METAP2: variants seen among roughly 807,000 people sequenced by gnomAD.
The protein encoded by METAP2 is methionine aminopeptidase 2.
METAP2 carries 25 observed loss-of-function variants against 59.4 expected under a neutral mutation model. The observed-to-expected ratio is 0.42, with a 90% confidence interval of 0.31 to 0.59. METAP2 has a LOEUF of 0.59. METAP2 is among the 20% of genes least tolerant of loss of function. The pLI is 0.16. For missense variants in METAP2, 366 were observed against 581.2 expected (o/e 0.63, Z 3.81); for synonymous variants, 214 against 194.1 (o/e 1.10, Z -0.85).
chr12:95,494,348 A>G lies in METAP2; in HGVS notation c.590+131A>G, dbSNP rs188122925. On this transcript the variant is annotated intron_variant, in intron 5 of 10. Coordinates refer to ENST00000323666, the MANE Select transcript of METAP2 (RefSeq NM_006838.4). ...AGTAAAGGTTGTAGAAATGCCTTCTAGATTATTTTAGTGTCACTATGAGAA... is the reference window on the plus strand; with the variant it reads ...AGTAAAGGTTGTAGAAATGCCTTCTGGATTATTTTAGTGTCACTATGAGAA... 3.4e-6 allele frequency: 3 copies of G among 884,496 alleles called. No homozygotes were observed. The Admixed American group carries it at 8.7e-5, about 26-fold the overall frequency. The allele number at this position is 884,496 out of a possible 1,614,324, so 54.8% of individuals were successfully genotyped here. A position where few individuals can be genotyped will look rare whatever the true frequency, so the allele number is the denominator to read the frequency against.
chr12:95,495,624 C>T (rs899859978), intron 6 of METAP2, among the ~76,000 whole-genome samples: 2 of 152,112 alleles, frequency 1.3e-5, no homozygotes, highest in African/African-American at 2.4e-5. Context: ...GGTTTCACTA[C>T]CTTGGAAAAG....
chr12:95,504,941 G>A (rs553218704), intron 8 of METAP2, among the ~76,000 whole-genome samples: 1 of 152,190 alleles, frequency 6.6e-6, no homozygotes, highest in African/African-American at 2.4e-5. Context: ...GTGCTTTCTG[G>A]TGCTGTACGT....
intron 2 of METAP2, among the ~76,000 whole-genome samples, chr12:95,478,305 A>G (rs1255678344): frequency 6.6e-6 from 1 of 152,196 alleles, no homozygotes; most frequent in Non-Finnish European, 1.5e-5. Flanking sequence ...CTTTGAGGGA[A>G]TGGAAAGCTA....
intron 4 of METAP2, among the ~76,000 whole-genome samples, chr12:95,486,591 G>A (rs1339138268): frequency 2.6e-5 from 4 of 151,614 alleles, no homozygotes; most frequent in South Asian, 2.1e-4. Context: ...TCTGCCTCCC[G>A]GGTTCAAGTG....
At chr12:95,476,539 A>AG (rs773224806) in intron 2 of METAP2, among the ~76,000 whole-genome samples, 32 of 148,470 alleles carry the variant, frequency 2.2e-4, no homozygotes, top group South Asian at 6.5e-4. Flanking sequence ...AGAAAGAAAG[A>AG]AAAGCTAGAA....
At chr12:95,492,625 G>A (rs1230613982) in intron 4 of METAP2, among the ~76,000 whole-genome samples, 6 of 151,916 alleles carry the variant, frequency 3.9e-5, no homozygotes. Flanking sequence ...GGGTATAGTG[G>A]TGCAATCATA....
intron 9 of METAP2, 63 bp downstream of exon 9, chr12:95,512,061 A>G (rs2140168339): frequency 8.5e-7 from 1 of 1,176,084 alleles, no homozygotes; most frequent in Non-Finnish European, 1.3e-6. Flanking sequence ...GCAGAAGGTC[A>G]TGGTAGTTAA....
At chr12:95,508,886 G>A (rs2140165218) in intron 8 of METAP2, among the ~76,000 whole-genome samples, 1 of 152,182 alleles carries the variant, frequency 6.6e-6, no homozygotes, top group South Asian at 2.1e-4. Flanking sequence ...TTATTGATCA[G>A]TGTTCTTAGT....
intron 6 of METAP2, 92 bp downstream of exon 6, chr12:95,495,230 A>G (rs1253704822): frequency 9.0e-7 from 1 of 1,108,600 alleles, no homozygotes; most frequent in African/African-American, 1.6e-5. Context: ...TGAACTCCCA[A>G]ATTTTGTTCT....
intron 7 of METAP2, among the ~76,000 whole-genome samples, chr12:95,503,119 T>G (rs2076329173): frequency 6.6e-6 from 1 of 152,194 alleles, no homozygotes; most frequent in Non-Finnish European, 1.5e-5. Context: ...TTTCCTTGTA[T>G]GCCTTGTGAC....
chr12:95,513,911 T>C lies in METAP2; in HGVS notation c.*7T>C. ...CAGAGGAGATGACTATTAAACTTAGTCCAAAGCCACCTCAACACCTTTATT... is the reference window on the plus strand; with the variant it reads ...CAGAGGAGATGACTATTAAACTTAGCCCAAAGCCACCTCAACACCTTTATT... On this transcript the variant is annotated 3_prime_UTR_variant, in exon 11 of 11. Transcript: ENST00000323666. 1.2e-6 allele frequency: 2 copies of C among 1,602,242 alleles called. No individual in the cohort carries two copies. The highest frequency in any genetic ancestry group is 1.7e-6 in the Non-Finnish European group (2 of 1,172,996).
chr12:95,492,455 G>T (rs773390612), intron 4 of METAP2, among the ~76,000 whole-genome samples: 3 of 152,048 alleles, frequency 2.0e-5, no homozygotes, highest in African/African-American at 7.2e-5. Context: ...AGACCCTGAC[G>T]CTGGGTTTTT....
At chr12:95,498,160 G>C (rs1005266597) in intron 7 of METAP2, among the ~76,000 whole-genome samples, 2 of 151,686 alleles carry the variant, frequency 1.3e-5, no homozygotes, top group Admixed American at 1.3e-4. Flanking sequence ...GTAGAGATTG[G>C]GGGTGTTGCT....
At chr12:95,488,218 G>C (rs1449600909) in intron 4 of METAP2, among the ~76,000 whole-genome samples, 1 of 151,668 alleles carries the variant, frequency 6.6e-6, no homozygotes, top group African/African-American at 2.4e-5. Flanking sequence ...TCTGAGTTCC[G>C]GCCAGGCATG....
At chr12:95,500,648 G>T (rs2076308680) in intron 7 of METAP2, among the ~76,000 whole-genome samples, 1 of 152,114 alleles carries the variant, frequency 6.6e-6, no homozygotes, top group South Asian at 2.1e-4. Context: ...CAGTCATATG[G>T]TTATTTTTCT....
At chr12:95,502,346 G>A (rs1023044427) in intron 7 of METAP2, among the ~76,000 whole-genome samples, 5 of 152,094 alleles carry the variant, frequency 3.3e-5, no homozygotes, top group Admixed American at 2.0e-4. Flanking sequence ...TTCCCAGATA[G>A]GATTCATGGG....
chr12:95,498,132 CAA>C (rs550768555), intron 7 of METAP2, among the ~76,000 whole-genome samples: 11,068 of 123,520 alleles, frequency 0.09, 553 homozygotes, highest in African/African-American at 0.15. Context: ...GACTCCATCT[CAA>C]AAAAAAAAAA....
chr12:95,514,019 T>A lies in METAP2; in HGVS notation c.*115T>A. ...TTAACAGTGGACCCATGTAATACTTTTATCCATGTTTAAAAAAGAAGGAAT... is the reference window on the plus strand; with the variant it reads ...TTAACAGTGGACCCATGTAATACTTATATCCATGTTTAAAAAAGAAGGAAT... On this transcript the variant is annotated 3_prime_UTR_variant, in exon 11 of 11. Coordinates refer to ENST00000323666, the MANE Select transcript of METAP2 (RefSeq NM_006838.4). 8.5e-7 allele frequency: 1 copy of A among 1,179,702 alleles called. No individual in the cohort carries two copies. The highest frequency in any genetic ancestry group is 1.2e-6 in the Non-Finnish European group (1 of 867,580). The allele number at this position is 1,179,702 out of a possible 1,614,324, so 73.1% of individuals were successfully genotyped here.
chr12:95,496,160 C>G, intron 7 of METAP2, 62 bp downstream of exon 7: 1 of 1,055,932 alleles, frequency 9.5e-7, no homozygotes, highest in South Asian at 1.5e-5. Context: ...GTCTTTTAAA[C>G]ACTTAACAGC....
Sources: gnomAD v4.1 joint callset for allele counts (sites outside exome capture counted in the v4.1 genomes callset) on GRCh38, gnomAD v4.1.1 for gene constraint, MANE v1.5 for transcripts, NCBI Gene and HGNC (gene_info 2026-07-23, HGNC 2026-07-21) for gene names.